GRIK4: variants seen among roughly 807,000 people sequenced by gnomAD.
GRIK4 encodes glutamate receptor ionotropic, kainate 4.
GRIK4 carries 40 observed loss-of-function variants against 104.9 expected under a neutral mutation model. That is an observed-to-expected ratio of 0.38 (90% CI 0.30 to 0.50). The LOEUF is 0.50. GRIK4 is among the 20% of genes least tolerant of loss of function. The pLI is 0.93. For missense variants in GRIK4, 1,047 were observed against 1,308.1 expected, an observed-to-expected ratio of 0.80 and a Z score of 3.08; for synonymous variants, 485 against 524.9, an observed-to-expected ratio of 0.92 and a Z score of 1.04.
intron 1 of GRIK4, among the ~76,000 whole-genome samples, chr11:120,598,499 C>T (rs1948837520): frequency 6.6e-6 from 1 of 152,194 alleles, no homozygotes; most frequent in Admixed American, 6.5e-5. Context: ...GAGAATGGCA[C>T]GGTATAGTGG....
chr11:120,576,130 A>G (rs1277935828), intron 1 of GRIK4, among the ~76,000 whole-genome samples: 1 of 152,168 alleles, frequency 6.6e-6, no homozygotes, highest in Non-Finnish European at 1.5e-5. Flanking sequence ...GTGTCGCCTA[A>G]TTGCAGCTAT....
intron 1 of GRIK4, among the ~76,000 whole-genome samples, chr11:120,579,099 T>C (rs1053293434): frequency 2.0e-5 from 3 of 152,130 alleles, no homozygotes; most frequent in African/African-American, 7.2e-5. Context: ...TTATTGAGCA[T>C]CCACTGTATG....
chr11:120,639,509 G>C (rs1043307532), intron 1 of GRIK4, among the ~76,000 whole-genome samples: 5 of 152,124 alleles, frequency 3.3e-5, no homozygotes, highest in African/African-American at 4.8e-5. Context: ...CTGTCTCGCA[G>C]TCTCTCCTCT....
intron 13 of GRIK4, among the ~76,000 whole-genome samples, chr11:120,906,601 A>G (rs1180066937): frequency 5.3e-5 from 8 of 152,188 alleles, no homozygotes; most frequent in African/African-American, 1.9e-4. Flanking sequence ...CTTTATATCA[A>G]ACAAACTTGG....
At chr11:120,603,039 T>A (rs1015233832) in intron 1 of GRIK4, among the ~76,000 whole-genome samples, 3 of 152,172 alleles carry the variant, frequency 2.0e-5, no homozygotes, top group Non-Finnish European at 2.9e-5. Flanking sequence ...GATCTGACGA[T>A]ACAGGCCTGA....
intron 3 of GRIK4, among the ~76,000 whole-genome samples, chr11:120,693,029 G>A (rs1950391445): frequency 6.6e-6 from 1 of 151,448 alleles, no homozygotes; most frequent in Non-Finnish European, 1.5e-5. Context: ...ACTGTGCCCA[G>A]CCCAGACAAC....
At chr11:120,900,902 C>T (rs1428951349) in intron 12 of GRIK4, among the ~76,000 whole-genome samples, 1 of 152,184 alleles carries the variant, frequency 6.6e-6, no homozygotes, top group Non-Finnish European at 1.5e-5. Flanking sequence ...TGGGAACAGC[C>T]TGGCTGAGTC....
chr11:120,703,232 T>C (rs993469457), intron 3 of GRIK4, among the ~76,000 whole-genome samples: 4 of 152,200 alleles, frequency 2.6e-5, no homozygotes, highest in African/African-American at 9.7e-5. Context: ...GGCAAGTGGC[T>C]ACCTTAATGG....
At chr11:120,625,144 A>G (rs904036995) in intron 1 of GRIK4, among the ~76,000 whole-genome samples, 2 of 152,144 alleles carry the variant, frequency 1.3e-5, no homozygotes, top group Admixed American at 6.5e-5. Flanking sequence ...GCATGGTGGC[A>G]TGCACCTGTA....
intron 1 of GRIK4, among the ~76,000 whole-genome samples, chr11:120,598,318 G>A (rs1948834340): frequency 6.6e-6 from 1 of 152,200 alleles, no homozygotes; most frequent in Non-Finnish European, 1.5e-5. Context: ...GGCTCACAGA[G>A]TTAGTGTCTT....
chr11:120,520,126 C>T (rs1947779483), intron 1 of GRIK4, among the ~76,000 whole-genome samples: 1 of 152,130 alleles, frequency 6.6e-6, no homozygotes, highest in Non-Finnish European at 1.5e-5. Flanking sequence ...CTCCCGGCCT[C>T]AGGTGATCCA....
At chr11:120,697,583 C>G (rs1268603113) in intron 3 of GRIK4, among the ~76,000 whole-genome samples, 1 of 152,144 alleles carries the variant, frequency 6.6e-6, no homozygotes, top group Non-Finnish European at 1.5e-5. Flanking sequence ...CCATTGCACT[C>G]CAGTCTGGGC....
At chr11:120,921,636 G>A (rs1279194841) in intron 13 of GRIK4, among the ~76,000 whole-genome samples, 1 of 152,108 alleles carries the variant, frequency 6.6e-6, no homozygotes, top group African/African-American at 2.4e-5. Flanking sequence ...CCCACAGCTG[G>A]GCCTCCAGCT....
At chr11:120,623,995 T>C (rs1363015078) in intron 1 of GRIK4, among the ~76,000 whole-genome samples, 1 of 148,396 alleles carries the variant, frequency 6.7e-6, no homozygotes, top group Non-Finnish European at 1.5e-5. Context: ...CTCTCCCTCT[T>C]CCTCCTCCCC....
At chr11:120,840,826 A>G (rs1041807597) in intron 8 of GRIK4, among the ~76,000 whole-genome samples, 1 of 152,170 alleles carries the variant, frequency 6.6e-6, no homozygotes, top group African/African-American at 2.4e-5. Context: ...CATCACCACT[A>G]TATATTTCTA....
Position 120,737,082 on chromosome 11 carries a change from G to T in GRIK4, c.83-65611G>T, listed in dbSNP as rs558138717. Among the ~76,000 whole-genome samples, 125 of 152,200 alleles carry T rather than the reference G, an allele frequency of 8.2e-4. 1 individual carries two copies. The highest frequency in any genetic ancestry group is 1.7e-3 in the South Asian group (8 of 4,812). On this transcript the variant is annotated intron_variant, in intron 3 of 20. Transcript: ENST00000527524. ...TGGATTGGAACCGATGTTTAGACAT[G>T]GTCTAGTATATTTATACTCATGAGT...
chr11:120,623,993 C>T (rs1442716728), intron 1 of GRIK4, among the ~76,000 whole-genome samples: 1 of 151,032 alleles, frequency 6.6e-6, no homozygotes, highest in Non-Finnish European at 1.5e-5. Context: ...CCCTCTCCCT[C>T]TTCCTCCTCC....
chr11:120,836,781 C>T lies in GRIK4; in HGVS notation c.691-10C>T, dbSNP rs373226826. 38 of 1,590,926 alleles carry T rather than the reference C, an allele frequency of 2.4e-5. No individual in the cohort carries two copies. The highest frequency in any genetic ancestry group is 2.9e-5 in the Non-Finnish European group (34 of 1,158,802). ...TTTTCTTCTCTAATCTCCTTCTCTT[C>T]GCCTTGCAGGCAGCCGAACTTGGGA... On this transcript the variant is annotated splice_polypyrimidine_tract_variant and intron_variant, in intron 7 of 20. Coordinates refer to ENST00000527524, the MANE Select transcript of GRIK4 (RefSeq NM_014619.5).
At chr11:120,641,153 C>T (rs1261028779) in intron 1 of GRIK4, among the ~76,000 whole-genome samples, 1 of 152,224 alleles carries the variant, frequency 6.6e-6, no homozygotes, top group Admixed American at 6.5e-5. Context: ...GCAAATATCA[C>T]ATGTGAATGA....
Sources: gnomAD v4.1 joint callset for allele counts (sites outside exome capture counted in the v4.1 genomes callset) on GRCh38, gnomAD v4.1.1 for gene constraint, MANE v1.5 for transcripts, NCBI Gene and HGNC (gene_info 2026-07-23, HGNC 2026-07-21) for gene names.